Variants in SCTR observed in about 807,000 individuals in gnomAD.
The protein encoded by SCTR is pancreatic secretin receptor.
In SCTR, 56 loss-of-function variants were observed where a neutral mutation model predicts 60.8. The ratio of observed to expected loss-of-function variants is 0.92; its 90% CI spans 0.74 to 1.15. The LOEUF is 1.15. Ranked by LOEUF, SCTR falls within the 50% of genes most tolerant of loss-of-function variation. The pLI is 0.00. For missense variants in SCTR, 562 were observed against 550.4 expected (o/e 1.02, Z -0.21); for synonymous variants, 202 against 217.0 (o/e 0.93, Z 0.61).
chr2:119,470,878 T>C (rs1676979692), intron 4 of SCTR, among the ~76,000 whole-genome samples: 2 of 152,230 alleles, frequency 1.3e-5, no homozygotes. Context: ...TTTTTGTATT[T>C]TTAGTAGAGA....
chr2:119,489,504 G>T (rs1239805336), intron 2 of SCTR, among the ~76,000 whole-genome samples: 2 of 152,212 alleles, frequency 1.3e-5, no homozygotes, highest in African/African-American at 4.8e-5. Context: ...TCAGGCTGGG[G>T]CAGGGACAGT....
At chr2:119,521,214 C>T (rs1462049781) in intron 1 of SCTR, among the ~76,000 whole-genome samples, 1 of 152,186 alleles carries the variant, frequency 6.6e-6, no homozygotes, top group Non-Finnish European at 1.5e-5. Context: ...TTAAAAAGCC[C>T]TACCTTGAGT....
intron 8 of SCTR, 41 bp downstream of exon 8, chr2:119,453,246 A>G (rs780242207): frequency 6.9e-7 from 1 of 1,438,936 alleles, no homozygotes; most frequent in South Asian, 1.1e-5. Context: ...AAGCTGGACG[A>G]TGTCAGATAC....
intron 1 of SCTR, among the ~76,000 whole-genome samples, chr2:119,518,651 A>G (rs538677176): frequency 6.6e-6 from 1 of 152,152 alleles, no homozygotes; most frequent in Non-Finnish European, 1.5e-5. Context: ...GCATCTGAGT[A>G]TTGTGGTTTT....
chr2:119,512,300 C>T (rs1340338173), intron 1 of SCTR, among the ~76,000 whole-genome samples: 3 of 143,832 alleles, frequency 2.1e-5, no homozygotes, highest in Non-Finnish European at 4.5e-5. Context: ...TCTTCTTCCT[C>T]TTCCTCTTCC....
intron 11 of SCTR, among the ~76,000 whole-genome samples, chr2:119,444,276 CATATGAATATATACACAT>C (rs1558830859): frequency 1.3e-4 from 7 of 53,908 alleles, no homozygotes; most frequent in Admixed American, 1.7e-4. Context: ...TACATATATA[CATATGAATATATACACAT>C]ATATACGTAT....
intron 7 of SCTR, among the ~76,000 whole-genome samples, chr2:119,454,515 G>A (rs80306749): frequency 0.01 from 1,574 of 152,190 alleles, 26 homozygotes; most frequent in African/African-American, 0.037. Flanking sequence ...TGGGCACTAA[G>A]TGCAAGATAG....
chr2:119,464,233 A>G lies in SCTR; in HGVS notation c.526T>C (p.Tyr176His), dbSNP rs754846893. The G allele has an allele frequency of 6.2e-7, 1 of 1,614,108 alleles. No individual in the cohort carries two copies. Among genetic ancestry groups the G allele is most frequent in the African/African-American group, 1.3e-5 (1 of 74,952 alleles). The change falls in exon 6 of 13, where the codon TAC becomes CAC. Residue 176 changes from tyrosine (Y) to histidine (H), a missense_variant. Coordinates refer to ENST00000019103, the MANE Select transcript of SCTR (RefSeq NM_002980.3). ...AFRRLHCTRN[Y>H]IHMHLFVSFI... ...GACACGAACAGGTGCATGTGGATGT[A>G]GTTGCGAGTGCAGTGGAGCCTCCTG...
chr2:119,483,573 G>A (rs868488800), intron 2 of SCTR, among the ~76,000 whole-genome samples: 3 of 152,174 alleles, frequency 2.0e-5, no homozygotes, highest in Admixed American at 6.5e-5. Context: ...GTTTCCCAGC[G>A]TGCGATGAGC....
At chr2:119,497,529 G>C (rs909664521) in intron 1 of SCTR, among the ~76,000 whole-genome samples, 1 of 151,908 alleles carries the variant, frequency 6.6e-6, no homozygotes, top group African/African-American at 2.4e-5. Context: ...ATCTGACAAA[G>C]ATTTTAAAGC....
chr2:119,488,748 A>G lies in SCTR; in HGVS notation c.193+5680T>C, dbSNP rs535795966. On this transcript the variant is annotated intron_variant, in intron 2 of 12. Transcript: ENST00000019103. ...ACCGAAGGGCTGGGACAGAGAGGCC[A>G]TGAGAGGAGCTTCTGCCTTCTTCAG... 4.4e-3 allele frequency among the ~76,000 whole-genome samples: 665 copies of G among 152,344 alleles called. 7 individuals are homozygous for G. The highest frequency in any genetic ancestry group is 5.4e-3 in the Non-Finnish European group (365 of 68,032).
At position 119,509,088 on chromosome 2, in the gene SCTR, C is replaced by T. The variant is rs558451265; in HGVS notation, c.73-14540G>A. Among the ~76,000 whole-genome samples the T allele has an allele frequency of 1.1e-4, 16 of 152,262 alleles. No individual in the cohort carries two copies. In the South Asian group the frequency reaches 2.5e-3, roughly 24 times the overall value. ...GTGTACTTCTTTGCTTGGCCTTGGC[C>T]GTGTGACCATGGTCAATGGGACGTT... On this transcript the variant is annotated intron_variant, in intron 1 of 12. Transcript: ENST00000019103.
At chr2:119,479,336 G>C in intron 2 of SCTR, 1 of 965,002 alleles carries the variant, frequency 1.0e-6, no homozygotes, top group Middle Eastern at 5.3e-4. Context: ...TTTAGAAATA[G>C]ACCTAGCCGG....
chr2:119,448,802 T>TGGG, intron 9 of SCTR, 22 bp from the exon 10 acceptor site: 2 of 1,405,472 alleles, frequency 1.4e-6, no homozygotes, highest in South Asian at 2.3e-5. Context: ...AAGGCAGAGG[T>TGGG]GGGGCTGAAG....
intron 1 of SCTR, among the ~76,000 whole-genome samples, chr2:119,514,649 G>T (rs1449085921): frequency 6.6e-6 from 1 of 152,170 alleles, no homozygotes; most frequent in Admixed American, 6.5e-5. Context: ...GCCAAGGCAG[G>T]TGGATCACCT....
chr2:119,494,974 A>T (rs1225158264), intron 1 of SCTR, among the ~76,000 whole-genome samples: 2 of 152,006 alleles, frequency 1.3e-5, no homozygotes, highest in East Asian at 1.9e-4. Context: ...GTTCTCTGTC[A>T]CTCAGGCTGG....
intron 9 of SCTR, among the ~76,000 whole-genome samples, chr2:119,451,416 A>G (rs988980470): frequency 6.6e-6 from 1 of 152,154 alleles, no homozygotes; most frequent in African/African-American, 2.4e-5. Flanking sequence ...ATCAATAGCT[A>G]TCAGTATTTT....
At chr2:119,467,152 G>A (rs111882925) in intron 4 of SCTR, among the ~76,000 whole-genome samples, 2,846 of 152,212 alleles carry the variant, frequency 0.019, 77 homozygotes, top group African/African-American at 0.065. Flanking sequence ...GGCCAAAGTC[G>A]GTGGATCACT....
Position 119,450,175 on chromosome 2 carries a change from GGAAA to G in SCTR, c.922-1399_922-1396del, listed in dbSNP as rs143743522. ...AAGCAAGCAAGCAAGCAGAAAACAA[GGAAA>G]GAAAGAAAGTCTTTAAGTTCCCAAG... is the stretch of plus-strand genomic sequence containing the variant. On this transcript the variant is annotated intron_variant, in intron 9 of 12. Transcript: ENST00000019103. Among the ~76,000 whole-genome samples, 1,445 of 152,124 alleles carry G rather than the reference GGAAA, an allele frequency of 9.5e-3. 18 individuals carry two copies. Among genetic ancestry groups the G allele is most frequent in the African/African-American group, 0.032 (1,335 of 41,486 alleles).
Sources: allele counts gnomAD v4.1 joint callset (sites outside exome capture counted in the v4.1 genomes callset), GRCh38; gene constraint gnomAD v4.1.1; transcripts MANE v1.5; gene names NCBI Gene and HGNC (gene_info 2026-07-23, HGNC 2026-07-21).